SUGCT: variants seen among roughly 807,000 people sequenced by gnomAD.
SUGCT encodes the protein succinyl-CoA:glutarate-CoA transferase, also known as succinyl-CoA:glutarate CoA-transferase.
Under a neutral mutation model 55.0 loss-of-function variants are expected in SUGCT, and 41 were observed. The observed-to-expected ratio is 0.74, with a 90% CI of 0.58 to 0.97. The LOEUF is 0.97. Ranked by LOEUF, SUGCT falls within the 50% of genes least tolerant of loss-of-function variation. The pLI is 0.00. For missense variants in SUGCT, 568 were observed against 547.8 expected (o/e 1.04, Z -0.37); for synonymous variants, 187 against 200.4 (o/e 0.93, Z 0.56).
chr7:40,664,698 G>A (rs527291354), intron 12 of SUGCT, among the ~76,000 whole-genome samples: 47 of 151,922 alleles, frequency 3.1e-4, no homozygotes, highest in Non-Finnish European at 6.9e-4. Flanking sequence ...TCTTTTTCTG[G>A]AGCTGGGCAC....
At chr7:40,849,764 C>A (rs1406119266) in intron 13 of SUGCT, among the ~76,000 whole-genome samples, 2 of 151,804 alleles carry the variant, frequency 1.3e-5, no homozygotes, top group East Asian at 3.9e-4. Context: ...ACGGAAAACA[C>A]CACAGAGCTA....
the SUGCT span, among the ~76,000 whole-genome samples, chr7:40,926,855 A>T: frequency 6.6e-6 from 1 of 152,188 alleles, no homozygotes; most frequent in South Asian, 2.1e-4. Context: ...AACCAGACAA[A>T]TACACTTTGG....
the SUGCT span, among the ~76,000 whole-genome samples, chr7:40,877,076 G>C: frequency 5.3e-5 from 8 of 152,006 alleles, no homozygotes; most frequent in Non-Finnish European, 7.4e-5. Context: ...ACTCAACTTT[G>C]TTTTCAAGGA....
intron 12 of SUGCT, among the ~76,000 whole-genome samples, chr7:40,737,662 C>T (rs1787235210): frequency 6.6e-6 from 1 of 152,112 alleles, no homozygotes; most frequent in Admixed American, 6.6e-5. Flanking sequence ...TAACTGGATC[C>T]TGGCATATAA....
the SUGCT span, chr7:40,980,079 C>G: frequency 6.6e-6 from 1 of 152,228 alleles, no homozygotes; most frequent in Non-Finnish European, 1.5e-5. Flanking sequence ...AGTGAAGGCT[C>G]TCTTCTGGCT....
intron 1 of SUGCT, among the ~76,000 whole-genome samples, chr7:40,140,494 G>A (rs1217591878): frequency 1.3e-5 from 2 of 152,112 alleles, no homozygotes; most frequent in Admixed American, 6.5e-5. Context: ...TCCGCCCCCC[G>A]GGTTCAAGCG....
At chr7:40,459,054 C>T in intron 10 of SUGCT, 47 bp from the exon 11 acceptor site, 2 of 1,269,354 alleles carry the variant, frequency 1.6e-6, no homozygotes, top group Non-Finnish European at 2.3e-6. Context: ...CAGGCAGGTA[C>T]AAGAACTACC....
chr7:40,368,878 C>T (rs1231656037), intron 9 of SUGCT, among the ~76,000 whole-genome samples: 2 of 151,820 alleles, frequency 1.3e-5, no homozygotes, highest in African/African-American at 4.8e-5. Flanking sequence ...CTGAGGAGGG[C>T]GAATCACCTG....
At chr7:40,249,327 A>ATATATC in intron 7 of SUGCT, among the ~76,000 whole-genome samples, 1 of 117,668 alleles carries the variant, frequency 8.5e-6, no homozygotes, top group South Asian at 2.4e-4. Context: ...ATATATATAT[A>ATATATC]TATATATATA....
intron 12 of SUGCT, among the ~76,000 whole-genome samples, chr7:40,630,004 G>T (rs960114683): frequency 7.9e-5 from 12 of 152,112 alleles, no homozygotes; most frequent in African/African-American, 2.7e-4. Flanking sequence ...CGGTTTTGGG[G>T]ATTACCAGCC....
chr7:40,693,976 C>G (rs1005915956), intron 12 of SUGCT, among the ~76,000 whole-genome samples: 2 of 152,194 alleles, frequency 1.3e-5, no homozygotes, highest in Non-Finnish European at 2.9e-5. Context: ...TCCCACAGAT[C>G]AAACAAATTA....
chr7:40,443,483 G>A (rs958894622), intron 9 of SUGCT, among the ~76,000 whole-genome samples: 3 of 152,290 alleles, frequency 2.0e-5, no homozygotes, highest in East Asian at 3.9e-4. Flanking sequence ...GTGATGATGA[G>A]CATTTTTTCA....
chr7:40,774,969 C>T (rs186181536), intron 13 of SUGCT, among the ~76,000 whole-genome samples: 60 of 152,240 alleles, frequency 3.9e-4, no homozygotes, highest in Middle Eastern at 3.4e-3. Flanking sequence ...AATGAGACTG[C>T]AATTCTTGTT....
At chr7:40,812,991 G>A (rs774317964) in intron 13 of SUGCT, among the ~76,000 whole-genome samples, 2 of 151,752 alleles carry the variant, frequency 1.3e-5, no homozygotes, top group African/African-American at 2.4e-5. Flanking sequence ...GTCATTCAGG[G>A]GCAAGTTCTT....
At chr7:40,609,979 G>T (rs1470258938) in intron 12 of SUGCT, among the ~76,000 whole-genome samples, 9 of 152,182 alleles carry the variant, frequency 5.9e-5, no homozygotes, top group African/African-American at 1.7e-4. Flanking sequence ...CATTTATTGA[G>T]CTCTTGGTAT....
intron 13 of SUGCT, among the ~76,000 whole-genome samples, chr7:40,854,480 T>TTCTTTCTTTC (rs1794067096): frequency 8.1e-6 from 1 of 123,416 alleles, no homozygotes; most frequent in Non-Finnish European, 1.8e-5. Flanking sequence ...TTCTTTCTCT[T>TTCTTTCTTTC]TCTCTCTTTC....
At chr7:40,623,385 T>C (rs1484931720) in intron 12 of SUGCT, among the ~76,000 whole-genome samples, 3 of 152,206 alleles carry the variant, frequency 2.0e-5, no homozygotes, top group African/African-American at 7.2e-5. Context: ...CAGGGAATTG[T>C]GCAGAACTGG....
At chr7:40,284,843 A>T (rs1793212046) in intron 8 of SUGCT, among the ~76,000 whole-genome samples, 1 of 152,216 alleles carries the variant, frequency 6.6e-6, no homozygotes, top group Non-Finnish European at 1.5e-5. Context: ...TCTTCCAAAG[A>T]AGTAATGCTA....
chr7:40,570,850 CTTTTTTTTTTTTT>C (rs776733346), intron 12 of SUGCT, among the ~76,000 whole-genome samples: 4 of 52,304 alleles, frequency 7.6e-5, no homozygotes, highest in Admixed American at 2.5e-4. Context: ...GCTTTAGGCT[CTTTTTTTTTTTTT>C]TTTTTTTTTT....
Sources: allele counts gnomAD v4.1 joint callset (sites outside exome capture counted in the v4.1 genomes callset), GRCh38; gene constraint gnomAD v4.1.1; transcripts MANE v1.5; gene names NCBI Gene and HGNC (gene_info 2026-07-23, HGNC 2026-07-21).